LRRC4C: variants seen among roughly 807,000 people sequenced by gnomAD.
The protein encoded by LRRC4C is leucine-rich repeat-containing protein 4C.
A neutral mutation model predicts 33.6 loss-of-function variants in LRRC4C; 5 were observed. That is an observed-to-expected ratio of 0.15 (90% CI 0.08 to 0.31). The LOEUF is 0.31. LRRC4C is among the 10% of genes least tolerant of loss of function. The pLI, the probability that LRRC4C is intolerant of heterozygous loss-of-function variation, is 1.00. For missense variants in LRRC4C, 560 were observed against 796.7 expected (o/e 0.70, Z 3.58); for synonymous variants, 329 against 302.0 (o/e 1.09, Z -0.93).
chr11:41,400,790 A>G (rs1274571163), intron 1 of LRRC4C, among the ~76,000 whole-genome samples: 3 of 151,944 alleles, frequency 2.0e-5, no homozygotes, highest in Admixed American at 2.0e-4. Context: ...TTTATAAAAC[A>G]GAAAACGTGC....
chr11:40,623,657 T>C (rs1482917242), intron 3 of LRRC4C, among the ~76,000 whole-genome samples: 3 of 152,104 alleles, frequency 2.0e-5, no homozygotes, highest in Non-Finnish European at 4.4e-5. Flanking sequence ...GCACAAAACC[T>C]ACTAAGGTGC....
At chr11:40,986,015 A>G (rs1852966304) in intron 1 of LRRC4C, among the ~76,000 whole-genome samples, 1 of 152,160 alleles carries the variant, frequency 6.6e-6, no homozygotes, top group African/African-American at 2.4e-5. Context: ...TACATTTTAC[A>G]CAGACCAACT....
intron 1 of LRRC4C, among the ~76,000 whole-genome samples, chr11:41,296,211 C>T (rs1439147489): frequency 2.0e-5 from 3 of 152,182 alleles, no homozygotes; most frequent in Non-Finnish European, 4.4e-5. Flanking sequence ...AGTGTACTTC[C>T]GATAGGATCT....
intron 2 of LRRC4C, among the ~76,000 whole-genome samples, chr11:40,801,864 A>C (rs555137399): frequency 6.6e-6 from 1 of 152,312 alleles, no homozygotes; most frequent in African/African-American, 2.4e-5. Flanking sequence ...ACATACATAA[A>C]TATGATTTCA....
intron 1 of LRRC4C, among the ~76,000 whole-genome samples, chr11:41,366,594 C>A (rs1506722): frequency 1.3e-4 from 19 of 151,686 alleles, no homozygotes; most frequent in Non-Finnish European, 2.4e-4. Context: ...AGTGTTTCTC[C>A]CATTTAAATT....
chr11:41,264,410 A>C (rs551866123), intron 1 of LRRC4C, among the ~76,000 whole-genome samples: 6 of 152,204 alleles, frequency 3.9e-5, no homozygotes, highest in African/African-American at 1.4e-4. Context: ...TTTTAAAGAC[A>C]ATTTGCAATT....
At chr11:40,617,678 G>A (rs12577206) in intron 3 of LRRC4C, among the ~76,000 whole-genome samples, 32 of 151,560 alleles carry the variant, frequency 2.1e-4, no homozygotes, top group East Asian at 1.7e-3. Flanking sequence ...CTATTTTTCC[G>A]AAAATATTTT....
At chr11:41,050,670 A>T (rs1382736639) in intron 1 of LRRC4C, among the ~76,000 whole-genome samples, 1 of 151,970 alleles carries the variant, frequency 6.6e-6, no homozygotes, top group Non-Finnish European at 1.5e-5. Context: ...AATGTGCCAC[A>T]TTTTTTTATC....
chr11:40,195,265 A>C (rs1862172133), intron 5 of LRRC4C, among the ~76,000 whole-genome samples: 1 of 152,160 alleles, frequency 6.6e-6, no homozygotes, highest in Non-Finnish European at 1.5e-5. Context: ...CTAGAGGAAA[A>C]AAATAGTGAC....
chr11:41,370,171 C>A (rs895361635), intron 1 of LRRC4C, among the ~76,000 whole-genome samples: 1 of 152,036 alleles, frequency 6.6e-6, no homozygotes, highest in Admixed American at 6.5e-5. Context: ...GATAACTACA[C>A]ATTATTTCAT....
At chr11:41,145,371 C>A (rs1943683860) in intron 1 of LRRC4C, among the ~76,000 whole-genome samples, 1 of 152,070 alleles carries the variant, frequency 6.6e-6, no homozygotes, top group Non-Finnish European at 1.5e-5. Flanking sequence ...TGAGTTTATT[C>A]TTTTCTTGCC....
intron 1 of LRRC4C, among the ~76,000 whole-genome samples, chr11:41,191,704 A>C (rs1378945100): frequency 2.0e-5 from 3 of 152,166 alleles, no homozygotes; most frequent in African/African-American, 7.2e-5. Flanking sequence ...AGTAGATAAG[A>C]TGAATCCTGG....
rs762510706 is a variant in LRRC4C at position 40,115,340 on chromosome 11, T to A, written c.953A>T (p.Asp318Val). Reference protein sequence around the residue: ...DILWLSWWIKDMAPSNTACCA... With the variant: ...DILWLSWWIKVMAPSNTACCA... ...ACAAGCTGTGTTCGAGGGGGCCATG[T>A]CTTTTATCCACCAGCTGAGCCACAG... The change falls in exon 7 of 7, where the codon GAC becomes GTC. Residue 318 changes from aspartate (D) to valine (V), a missense_variant. Physicochemically the swap from Asp to Val is radical, Grantham distance 152. Transcript: ENST00000528697. The surrounding 1 kb of genome is among the most constrained non-coding windows in gnomAD (Gnocchi z 6.7). 9.3e-6 allele frequency: 15 copies of A among 1,614,080 alleles called. No homozygotes were observed. Among genetic ancestry groups the A allele is most frequent in the Non-Finnish European group, 1.2e-5 (14 of 1,180,038 alleles).
intron 1 of LRRC4C, among the ~76,000 whole-genome samples, chr11:41,446,473 T>C (rs1048384799): frequency 6.6e-6 from 1 of 152,114 alleles, no homozygotes; most frequent in Non-Finnish European, 1.5e-5. Context: ...CAGCTTGTGC[T>C]GGCTGTTAGT....
At chr11:40,600,959 T>C (rs1389785552) in intron 3 of LRRC4C, among the ~76,000 whole-genome samples, 1 of 152,158 alleles carries the variant, frequency 6.6e-6, no homozygotes, top group African/African-American at 2.4e-5. Flanking sequence ...AGAAAGGCAA[T>C]TTAGATTTTT....
intron 1 of LRRC4C, among the ~76,000 whole-genome samples, chr11:41,333,226 T>C (rs1951350238): frequency 6.6e-6 from 1 of 152,234 alleles, no homozygotes; most frequent in Non-Finnish European, 1.5e-5. Flanking sequence ...TAATGTCTAT[T>C]ATTTTGTAAT....
chr11:41,248,184 C>T (rs906384323), intron 1 of LRRC4C, among the ~76,000 whole-genome samples: 65 of 152,304 alleles, frequency 4.3e-4, no homozygotes, highest in Non-Finnish European at 8.1e-4. Flanking sequence ...CAAATATTCT[C>T]TTGTCCCAAG....
intron 1 of LRRC4C, among the ~76,000 whole-genome samples, chr11:41,034,587 T>C (rs1378576753): frequency 8.1e-6 from 1 of 123,556 alleles, no homozygotes; most frequent in South Asian, 2.9e-4. Flanking sequence ...TTTGTTGTTT[T>C]TCTAAAAAAA....
rs117979533 is a variant in LRRC4C, at chr11:41,051,274, T to G, written c.-495-117551A>C. On this transcript the variant is annotated intron_variant, in intron 1 of 6. Coordinates refer to ENST00000528697, the MANE Select transcript of LRRC4C (RefSeq NM_001258419.2). The stretch of plus-strand genomic sequence containing the variant: ...ATCAGCCTCCATTAGTTAATTGTAC[T>G]TCCTTGCATATTTTAACTGCAAAGA... Among the ~76,000 whole-genome samples the G allele has an allele frequency of 8.0e-3, 1,213 of 152,278 alleles. 8 individuals carry two copies. Among genetic ancestry groups the G allele is most frequent in the Non-Finnish European group, 0.013 (897 of 68,014 alleles).
Sources: gnomAD v4.1 joint callset for allele counts (sites outside exome capture counted in the v4.1 genomes callset) on GRCh38, gnomAD v4.1.1 for gene constraint, Gnocchi (gnomAD v3.1) non-coding constraint, MANE v1.5 for transcripts, NCBI Gene and HGNC (gene_info 2026-07-23, HGNC 2026-07-21) for gene names.